The following RHAG variants were observed in gnomAD, a reference collection of about 807,000 sequenced individuals.
RHAG encodes the protein ammonium transporter Rh type A.
RHAG carries 25 observed loss-of-function variants against 42.4 expected under a neutral mutation model. The ratio of observed to expected loss-of-function variants is 0.59; its 90% CI spans 0.43 to 0.82. The LOEUF is 0.82. Among genes scored for constraint, RHAG ranks in the 40% least tolerant of loss-of-function variants. The pLI is 0.00. For synonymous variants in RHAG, 182 were observed against 177.7 expected (o/e 1.02, Z -0.19); for missense variants, 483 against 504.6 (o/e 0.96, Z 0.41).
chr6:49,621,245 T>A (rs1762754463), intron 1 of RHAG, among the ~76,000 whole-genome samples: 1 of 152,160 alleles, frequency 6.6e-6, no homozygotes, highest in Non-Finnish European at 1.5e-5. Flanking sequence ...TCCTCTCATT[T>A]TCCCTGGCGG....
chr6:49,608,583 G>T (rs2127349803), intron 7 of RHAG, among the ~76,000 whole-genome samples: 1 of 152,152 alleles, frequency 6.6e-6, no homozygotes, highest in African/African-American at 2.4e-5. Flanking sequence ...CACCATATTG[G>T]CCAGGCTGGT....
chr6:49,633,881 A>C (rs1762969202), intron 1 of RHAG, among the ~76,000 whole-genome samples: 1 of 152,038 alleles, frequency 6.6e-6, no homozygotes, highest in African/African-American at 2.4e-5. Flanking sequence ...AGACATTCAG[A>C]TGTGTCTGGT....
chr6:49,623,437 G>A (rs1762796134), intron 1 of RHAG, among the ~76,000 whole-genome samples: 1 of 152,184 alleles, frequency 6.6e-6, no homozygotes, highest in African/African-American at 2.4e-5. Context: ...TAGTTGTGTG[G>A]TGCAAGGCTC....
At chr6:49,614,974 G>A in intron 4 of RHAG, 121 bp from the exon 5 acceptor site, 1 of 944,004 alleles carries the variant, frequency 1.1e-6, no homozygotes, top group Non-Finnish European at 1.6e-6. Context: ...TTGAGATGGA[G>A]TGTCCCTCTG....
chr6:49,624,878 C>A (rs935754274), intron 1 of RHAG, among the ~76,000 whole-genome samples: 1 of 152,212 alleles, frequency 6.6e-6, no homozygotes, highest in Non-Finnish European at 1.5e-5. Flanking sequence ...ATAGCCAAAC[C>A]TGTTTCTTTG....
intron 1 of RHAG, among the ~76,000 whole-genome samples, chr6:49,634,303 T>G (rs924916972): frequency 6.6e-6 from 1 of 152,092 alleles, no homozygotes; most frequent in Non-Finnish European, 1.5e-5. Flanking sequence ...CTTCCCAATA[T>G]CTAGTAATTA....
Position 49,636,356 on chromosome 6 carries a change from A to G in RHAG, c.157+300T>C, listed in dbSNP as rs896814528. ...GGAAGCGTGATACTTTTCTTTGCAGAACTAGTGACCAACTGAAGGAAAAAG... is the reference window on the plus strand; with the variant it reads ...GGAAGCGTGATACTTTTCTTTGCAGGACTAGTGACCAACTGAAGGAAAAAG... On this transcript the variant is annotated intron_variant, in intron 1 of 9. Coordinates refer to ENST00000371175, the MANE Select transcript of RHAG (RefSeq NM_000324.3). Among the ~76,000 whole-genome samples the G allele has an allele frequency of 3.3e-5, 5 of 152,144 alleles. No individual in the cohort carries two copies. The East Asian group carries it at 5.8e-4, about 18-fold the overall frequency.
At chr6:49,618,929 G>A (rs1412142426) in intron 2 of RHAG, among the ~76,000 whole-genome samples, 1 of 152,140 alleles carries the variant, frequency 6.6e-6, no homozygotes, top group African/African-American at 2.4e-5. Flanking sequence ...CAGACTTGGT[G>A]TCTGATGAGG....
intron 3 of RHAG, among the ~76,000 whole-genome samples, 164 bp downstream of exon 3, chr6:49,617,904 C>G (rs139464272): frequency 7.7e-4 from 117 of 152,244 alleles, no homozygotes; most frequent in African/African-American, 2.6e-3. Context: ...GTTTACAAAA[C>G]TCCTAGTTTA....
At chr6:49,615,581 C>A (rs1426962207) in intron 4 of RHAG, 43 bp downstream of exon 4, 2 of 1,610,854 alleles carry the variant, frequency 1.2e-6, no homozygotes, top group East Asian at 2.2e-5. Context: ...TCTCTGGTGC[C>A]TTTTCAAATA....
At chr6:49,607,008 C>T in intron 8 of RHAG, 87 bp from the exon 9 acceptor site, 5 of 1,210,728 alleles carry the variant, frequency 4.1e-6, no homozygotes, top group Non-Finnish European at 6.1e-6. Flanking sequence ...ATTATAAAAT[C>T]ATCCCCTTTA....
intron 1 of RHAG, chr6:49,632,002 C>T (rs1200573053): frequency 1.3e-5 from 2 of 151,804 alleles, no homozygotes; most frequent in East Asian, 3.9e-4. Flanking sequence ...CAGTTCACCT[C>T]TATCTTCAGT....
chr6:49,607,467 A>G (rs1296959125), intron 7 of RHAG, among the ~76,000 whole-genome samples: 2 of 152,224 alleles, frequency 1.3e-5, no homozygotes, highest in East Asian at 1.9e-4. Context: ...CTTTGGAAAT[A>G]AGACTTTCCT....
At chr6:49,622,839 T>TG (rs1177970270) in intron 1 of RHAG, among the ~76,000 whole-genome samples, 1 of 147,770 alleles carries the variant, frequency 6.8e-6, no homozygotes, top group African/African-American at 2.5e-5. Context: ...ACTTTTTTTT[T>TG]TTTTGTTTTG....
intron 1 of RHAG, among the ~76,000 whole-genome samples, chr6:49,627,876 G>C (rs1448957895): frequency 6.6e-6 from 1 of 151,960 alleles, no homozygotes; most frequent in Non-Finnish European, 1.5e-5. Context: ...CCTTCCACTG[G>C]GTCCCTCCCA....
chr6:49,626,262 T>G (rs1762842412), intron 1 of RHAG, among the ~76,000 whole-genome samples: 1 of 152,178 alleles, frequency 6.6e-6, no homozygotes, highest in Non-Finnish European at 1.5e-5. Flanking sequence ...GTCTGTAAAA[T>G]GAAATACAAA....
At position 49,619,312 on chromosome 6, in the gene RHAG, T is replaced by G. The variant is rs1158856928; in HGVS notation, c.208A>C (p.Thr70Pro). ...CTGAAGCCATATTTCTTCAGGAAGG[T>G]CATGAGGAAGCCAAACCCAACAAAT... The part of the protein sequence containing the change: ...MIFVGFGFLM[T>P]FLKKYGFSSV... Residue 70 changes from threonine to proline, a missense_variant, in exon 2 of 10, where the codon ACC becomes CCC. By Grantham distance (38) the Thr-to-Pro change is conservative. Transcript: ENST00000371175. 2 of 1,614,084 alleles carry G rather than the reference T, an allele frequency of 1.2e-6. No homozygotes were observed. Among genetic ancestry groups the G allele is most frequent in the Non-Finnish European group, 8.5e-7 (1 of 1,180,014 alleles).
chr6:49,610,396 T>A (rs1040616098), intron 7 of RHAG, among the ~76,000 whole-genome samples: 1 of 152,206 alleles, frequency 6.6e-6, no homozygotes, highest in Non-Finnish European at 1.5e-5. Flanking sequence ...TAGTTGTTTT[T>A]CCTCTGGTCA....
Position 49,627,023 on chromosome 6 carries a change from T to A in RHAG, c.158-7661A>T, listed in dbSNP as rs928043078. 2.0e-5 allele frequency among the ~76,000 whole-genome samples: 3 copies of A among 152,196 alleles called. No homozygotes were observed. The East Asian group carries it at 5.8e-4, about 29-fold the overall frequency. On this transcript the variant is annotated intron_variant, in intron 1 of 9. Transcript: ENST00000371175. ...GCCCTGGGCCTGGCCCATGAAGCCA[T>A]TTTTCCCTCTTAGGCCTCCTGGCCT...
Sources: allele counts gnomAD v4.1 joint callset (sites outside exome capture counted in the v4.1 genomes callset), GRCh38; gene constraint gnomAD v4.1.1; transcripts MANE v1.5; gene names NCBI Gene and HGNC (gene_info 2026-07-23, HGNC 2026-07-21).